SLX4: variants seen among roughly 807,000 people sequenced by gnomAD.
The protein encoded by SLX4 is SLX4 structure-specific endonuclease subunit, also known as structure-specific endonuclease subunit SLX4.
SLX4 carries 112 observed loss-of-function variants against 146.2 expected under a neutral mutation model. The observed-to-expected ratio is 0.77, with a 90% CI of 0.66 to 0.90. The LOEUF (loss-of-function observed/expected upper bound fraction) is 0.90. Among genes scored for constraint, SLX4 ranks in the 40% least tolerant of loss-of-function variants. SLX4 has a pLI of 0.00. For missense variants in SLX4, 2,563 were observed against 2,392.7 expected (o/e 1.07, Z -1.49); for synonymous variants, 1,061 against 997.7 (o/e 1.06, Z -1.20).
chr16:3,603,456 C>T (rs1256175452), intron 3 of SLX4, among the ~76,000 whole-genome samples: 1 of 152,214 alleles, frequency 6.6e-6, no homozygotes, highest in African/African-American at 2.4e-5. Context: ...GGAGCTCACA[C>T]CAGCTGGGTG....
chr16:3,589,402 G>C lies in SLX4; in HGVS notation c.4236C>G (p.Ser1412Arg), dbSNP rs2040548502. 5 of 1,599,408 alleles carry C rather than the reference G, an allele frequency of 3.1e-6. No individual in the cohort carries two copies. The highest frequency in any genetic ancestry group is 4.3e-6 in the Non-Finnish European group (5 of 1,169,818). The change falls in exon 12 of 15, where the codon AGC (serine) becomes AGG (arginine). Residue 1412 changes from serine (S) to arginine (R), a missense_variant. Ser to Arg is a moderately radical substitution (Grantham distance 110, BLOSUM62 -1). Coordinates refer to ENST00000294008, the MANE Select transcript of SLX4 (RefSeq NM_032444.4). This position sits in a 1 kb window ranked among gnomAD's most constrained non-coding sequence, Gnocchi z 6.2. ...TTGGGGGGTCACTGTCCAGTGGGGG[G>C]CTTCTGTTGGCCTGATGGGAGGCCA... ...QEVASHQANRSPPLDSDPPIP... is the reference protein window; with the variant it reads ...QEVASHQANRRPPLDSDPPIP...
At position 3,590,396 on chromosome 16, in the gene SLX4, T is replaced by G; in HGVS notation, c.3242A>C (p.Lys1081Thr). Residue 1081 changes from lysine to threonine, a missense_variant, in exon 12 of 15, where the codon AAG (lysine) becomes ACG (threonine). Coordinates refer to ENST00000294008, the MANE Select transcript of SLX4 (RefSeq NM_032444.4). The surrounding 1 kb of genome is among the most constrained non-coding windows in gnomAD (Gnocchi z 4.8). ...PTLLSPAVPS[K>T]QKRDRSILTL... ...GAGGATGCTCCTGTCCCTTTTCTGC[T>G]TTGATGGCACAGCTGGAGACAGCAA... 2 of 1,614,212 alleles carry G rather than the reference T, an allele frequency of 1.2e-6. No homozygotes were observed. Among genetic ancestry groups the G allele is most frequent in the Non-Finnish European group, 1.7e-6 (2 of 1,180,038 alleles).
At chr16:3,609,887 T>G (rs191207702) in intron 1 of SLX4, among the ~76,000 whole-genome samples, 5 of 152,368 alleles carry the variant, frequency 3.3e-5, no homozygotes, top group African/African-American at 1.2e-4. Context: ...TCCCCAAATC[T>G]AGGAAAACTA....
In SLX4 at chr16:3,589,078, C is replaced by A. The variant is rs2040541238; in HGVS notation, c.4560G>T (p.Arg1520Ser). ...GGGCCGGAGGAGGGGTCTCTGGAGG[C>A]CTCTGCTCTTCCCCGTCCCAAACGT... is the stretch of plus-strand genomic sequence containing the variant. ...LWDVWDGEEQ[R>S]PPETPPPAQM... The change falls in exon 12 of 15, where the codon AGG (arginine) becomes AGT (serine). Residue 1520 changes from arginine (R) to serine (S), a missense_variant. Physicochemically the swap from Arg to Ser is moderately radical, Grantham distance 110 (BLOSUM62 -1). Transcript: ENST00000294008. The surrounding 1 kb of genome is among the most constrained non-coding windows in gnomAD (Gnocchi z 6.2). 1 of 1,614,094 alleles carries A rather than the reference C, an allele frequency of 6.2e-7. No homozygotes were observed. The highest frequency in any genetic ancestry group is 1.3e-5 in the African/African-American group (1 of 75,042).
chr16:3,594,082 T>C (rs770993584), intron 10 of SLX4, among the ~76,000 whole-genome samples: 2 of 152,060 alleles, frequency 1.3e-5, no homozygotes, highest in African/African-American at 2.4e-5. Context: ...TGTGTTAGGA[T>C]GGTCTTGATC....
At chr16:3,585,727 A>C (rs2040500681) in intron 12 of SLX4, among the ~76,000 whole-genome samples, 1 of 150,512 alleles carries the variant, frequency 6.6e-6, no homozygotes, top group Admixed American at 6.7e-5. Context: ...GTGAGATACC[A>C]CTGCACGCCC....
chr16:3,589,835 T>C lies in SLX4; in HGVS notation c.3803A>G (p.Asp1268Gly), dbSNP rs1025512712. 6.2e-7 allele frequency: 1 copy of C among 1,613,350 alleles called. No individual in the cohort carries two copies. Among genetic ancestry groups the C allele is most frequent in the African/African-American group, 1.3e-5 (1 of 74,918 alleles). The change falls in exon 12 of 15, where the codon GAC (aspartate) becomes GGC (glycine). Residue 1268 changes from aspartate (D) to glycine (G), a missense_variant. Physicochemically the swap from Asp to Gly is moderately conservative, Grantham distance 94. Transcript: ENST00000294008. This position sits in a 1 kb window ranked among gnomAD's most constrained non-coding sequence, Gnocchi z 6.2. The part of the protein sequence containing the change: ...PATPLASRSR[D>G]CSSQTQISSL... ...GCTGATTTGGGTCTGGGAAGAACAG[T>C]CACGGCTTCTGCTGGCCAGCGGGGT...
At position 3,595,692 on chromosome 16, in the gene SLX4, C is replaced by A. The variant is rs745503603; in HGVS notation, c.1926G>T (p.Gly642=). The part of the protein sequence containing the change: ...GGLAGSEGTA[G]LDVVPGGLPL... ...GAAGGCCGCCGGGCACCACGTCCAA[C>A]CCTGAGTGGAGGATTCACAGGTTAA... Residue 642 remains glycine (G), a splice_region_variant and synonymous_variant, in exon 9 of 15, where the codon GGG becomes GGT. Coordinates refer to ENST00000294008, the MANE Select transcript of SLX4 (RefSeq NM_032444.4). 6.2e-7 allele frequency: 1 copy of A among 1,614,092 alleles called. No individual in the cohort carries two copies. Among genetic ancestry groups the A allele is most frequent in the South Asian group, 1.1e-5 (1 of 91,076 alleles).
At chr16:3,591,407 G>A (rs553997739) in intron 11 of SLX4, 97 bp from the exon 12 acceptor site, 558 of 1,543,402 alleles carry the variant, frequency 3.6e-4, no homozygotes, top group Non-Finnish European at 4.6e-4. Flanking sequence ...TCTTCACCAG[G>A]AGGAATGACC....
intron 12 of SLX4, among the ~76,000 whole-genome samples, chr16:3,586,888 CTG>C (rs1031108887): frequency 1.3e-5 from 2 of 151,608 alleles, no homozygotes; most frequent in Non-Finnish European, 2.9e-5. Flanking sequence ...ATCTTGAAAA[CTG>C]TATGCTAACT....
In SLX4 at chr16:3,597,735, G is replaced by A. The variant is rs147090612; in HGVS notation, c.1367-40C>T. On this transcript the variant is annotated intron_variant, in intron 6 of 14. Coordinates refer to ENST00000294008, the MANE Select transcript of SLX4 (RefSeq NM_032444.4). This position sits in a 1 kb window ranked among gnomAD's most constrained non-coding sequence, Gnocchi z 4.4. ...AAGCGACACCATCAACGGTGGAGTC[G>A]GTCCACTCACCCGGGACCTGCTGAT... The A allele has an allele frequency of 1.5e-5, 24 of 1,613,930 alleles. No individual in the cohort carries two copies. The highest frequency in any genetic ancestry group is 8.8e-5 in the South Asian group (8 of 91,072).
intron 2 of SLX4, among the ~76,000 whole-genome samples, chr16:3,607,625 C>A (rs1315482751): frequency 1.3e-5 from 2 of 152,056 alleles, no homozygotes; most frequent in African/African-American, 4.8e-5. Flanking sequence ...GTCAAGGCTG[C>A]AGTAAGCTAT....
At position 3,608,719 on chromosome 16, in the gene SLX4, G is replaced by A. The variant is rs1021522087; in HGVS notation, c.246C>T (p.Asn82=). ...GERKTQKAAS[N]GTQIRSKLKR... is the part of the protein sequence containing the mutation. Reference sequence around the variant, plus strand: ...TCAATTTGCTTCTTATCTGAGTGCCGTTTGAGGCAGCCTTTTGTGTCTTCC... The same window carrying A: ...TCAATTTGCTTCTTATCTGAGTGCCATTTGAGGCAGCCTTTTGTGTCTTCC... Residue 82 remains asparagine, a synonymous_variant, in exon 2 of 15, where the codon AAC becomes AAT. Transcript: ENST00000294008. 13 of 1,614,074 alleles carry A rather than the reference G, an allele frequency of 8.1e-6. No homozygotes were observed. Among genetic ancestry groups the A allele is most frequent in the African/African-American group, 6.7e-5 (5 of 74,922 alleles).
chr16:3,584,983 C>A, intron 12 of SLX4, 112 bp from the exon 13 acceptor site: 1 of 854,778 alleles, frequency 1.2e-6, no homozygotes, highest in South Asian at 1.3e-5. Context: ...ACCCAAGCAT[C>A]GTTTTGCTCC....
Position 3,597,950 on chromosome 16 carries a change from T to C in SLX4, c.1213A>G (p.Lys405Glu), listed in dbSNP as rs1478642418. The stretch of plus-strand genomic sequence containing the variant: ...ACCTTCCGCCTCTTCCGTGGCTCCT[T>C]CTTGCTGGTGGGTCCTCTCCGTTTC... ...GLKRRGPTSK[K>E]EPRKRRKVDE... The change falls in exon 6 of 15, where the codon AAG becomes GAG. Residue 405 changes from lysine (K) to glutamate (E), a missense_variant. Transcript: ENST00000294008. The surrounding 1 kb of genome is among the most constrained non-coding windows in gnomAD (Gnocchi z 4.4). 3 of 1,614,000 alleles carry C rather than the reference T, an allele frequency of 1.9e-6. No homozygotes were observed. Among genetic ancestry groups the C allele is most frequent in the Non-Finnish European group, 1.7e-6 (2 of 1,180,034 alleles).
rs2151122650 is a variant in SLX4 at position 3,589,787 on chromosome 16, A to T, written c.3851T>A (p.Val1284Glu). Residue 1284 changes from valine (V) to glutamate (E), a missense_variant, in exon 12 of 15, where the codon GTG becomes GAG. By Grantham distance (121) the Val-to-Glu change is moderately radical. Transcript: ENST00000294008. This position sits in a 1 kb window ranked among gnomAD's most constrained non-coding sequence, Gnocchi z 6.2. ...GGGCGTGTGCTGAGTCACCGCCTGC[A>T]CGGCCAGCCCGCTCCTGAGGCTGCT... ...QISSLRSGLA[V>E]QAVTQHTPRA... is the part of the protein sequence containing the mutation. 6.2e-7 allele frequency: 1 copy of T among 1,613,414 alleles called. No homozygotes were observed. Among genetic ancestry groups the T allele is most frequent in the Non-Finnish European group, 8.5e-7 (1 of 1,180,020 alleles).
At position 3,597,971 on chromosome 16, in the gene SLX4, G is replaced by A. The variant is rs138799572; in HGVS notation, c.1192C>T (p.Arg398Trp). ...TCCTTCTTGCTGGTGGGTCCTCTCC[G>A]TTTCAGACCTCTACTGTGATCACTG... Reference protein sequence around the residue: ...SFSDHSRGLKRRGPTSKKEPR... With the variant: ...SFSDHSRGLKWRGPTSKKEPR... The change falls in exon 6 of 15, where the codon CGG (arginine) becomes TGG (tryptophan). Residue 398 changes from arginine (R) to tryptophan (W), a missense_variant. Physicochemically the swap from Arg to Trp is moderately radical, Grantham distance 101. Coordinates refer to ENST00000294008, the MANE Select transcript of SLX4 (RefSeq NM_032444.4). The surrounding 1 kb of genome is among the most constrained non-coding windows in gnomAD (Gnocchi z 4.4). 50 of 1,614,008 alleles carry A rather than the reference G, an allele frequency of 3.1e-5. No homozygotes were observed. Among genetic ancestry groups the A allele is most frequent in the Non-Finnish European group, 3.6e-5 (42 of 1,180,042 alleles).
intron 12 of SLX4, 32 bp downstream of exon 12, chr16:3,588,970 A>G: frequency 6.2e-7 from 1 of 1,613,524 alleles, no homozygotes; most frequent in Non-Finnish European, 8.5e-7. Flanking sequence ...TAACAAAGAC[A>G]GTCCCCTTCC....
rs2151121817 is a variant in SLX4 at position 3,589,423 on chromosome 16, G to A, written c.4215C>T (p.Ala1405=). 1 of 1,602,740 alleles carries A rather than the reference G, an allele frequency of 6.2e-7. No individual in the cohort carries two copies. Among genetic ancestry groups the A allele is most frequent in the Non-Finnish European group, 8.5e-7 (1 of 1,171,498 alleles). The change falls in exon 12 of 15, where the codon GCC becomes GCT. Residue 1405 remains alanine (A), a synonymous_variant. Transcript: ENST00000294008. The surrounding 1 kb of genome is among the most constrained non-coding windows in gnomAD (Gnocchi z 6.2). ...VGDSDDEQEV[A]SHQANRSPPL... ...GGGGGCTTCTGTTGGCCTGATGGGA[G>A]GCCACCTCCTGCTCATCGTCACTGT... is the stretch of plus-strand genomic sequence containing the variant.
Sources: gnomAD v4.1 joint callset for allele counts (sites outside exome capture counted in the v4.1 genomes callset) on GRCh38, gnomAD v4.1.1 for gene constraint, Gnocchi (gnomAD v3.1) non-coding constraint, MANE v1.5 for transcripts, NCBI Gene and HGNC (gene_info 2026-07-23, HGNC 2026-07-21) for gene names.